ZFAND6: variants seen among roughly 807,000 people sequenced by gnomAD.
ZFAND6 encodes AN1-type zinc finger protein 6.
In ZFAND6, 12 loss-of-function variants were observed where a neutral mutation model predicts 24.5. The observed-to-expected ratio is 0.49, with a 90% CI of 0.31 to 0.79. The LOEUF (loss-of-function observed/expected upper bound fraction) is 0.79. Ranked by LOEUF, ZFAND6 falls within the 30% of genes least tolerant of loss-of-function variation. The pLI is 0.04. For missense variants in ZFAND6, 207 were observed against 245.9 expected (o/e 0.84, Z 1.06); for synonymous variants, 92 against 81.5 (o/e 1.13, Z -0.69).
chr15:80,127,983 G>C (rs147872715), intron 5 of ZFAND6, among the ~76,000 whole-genome samples: 1 of 152,146 alleles, frequency 6.6e-6, no homozygotes, highest in Non-Finnish European at 1.5e-5. Flanking sequence ...TGGTATATCC[G>C]TACAGTAGAA....
At chr15:80,091,203 T>C (rs2038345014) in intron 1 of ZFAND6, among the ~76,000 whole-genome samples, 1 of 149,312 alleles carries the variant, frequency 6.7e-6, no homozygotes. Context: ...CACGTGCACA[T>C]GTGTAGTTTC....
chr15:80,082,729 A>G (rs2037748720), intron 1 of ZFAND6, among the ~76,000 whole-genome samples: 1 of 152,198 alleles, frequency 6.6e-6, no homozygotes, highest in Non-Finnish European at 1.5e-5. Context: ...AACTGGTAAG[A>G]GTTCCAGATA....
chr15:80,069,274 A>G (rs1414081803), intron 1 of ZFAND6, among the ~76,000 whole-genome samples: 2 of 152,252 alleles, frequency 1.3e-5, no homozygotes, highest in African/African-American at 2.4e-5. Context: ...GTTGAGTATT[A>G]TAAATGCCTT....
chr15:80,123,035 A>G, intron 5 of ZFAND6: 1 of 414,244 alleles, frequency 2.4e-6, no homozygotes, highest in South Asian at 3.3e-5. Context: ...TTTAGTTTGG[A>G]AAATATAATT....
intron 1 of ZFAND6, among the ~76,000 whole-genome samples, chr15:80,095,902 T>C (rs2038693474): frequency 6.6e-6 from 1 of 152,256 alleles, no homozygotes; most frequent in Non-Finnish European, 1.5e-5. Context: ...AACCATCCTG[T>C]TGGTTTTCTG....
At chr15:80,090,963 C>T (rs767943767) in intron 1 of ZFAND6, among the ~76,000 whole-genome samples, 14 of 152,126 alleles carry the variant, frequency 9.2e-5, no homozygotes, top group Admixed American at 1.3e-4. Context: ...GCCTCTTTGC[C>T]GCAACCCACT....
chr15:80,077,148 A>C (rs1246333634), intron 1 of ZFAND6, among the ~76,000 whole-genome samples: 1 of 152,208 alleles, frequency 6.6e-6, no homozygotes, highest in Non-Finnish European at 1.5e-5. Context: ...AAGCTATTTG[A>C]AATGCTAACA....
At chr15:80,059,244 T>C (rs2036195554), upstream of ZFAND6, among the ~76,000 whole-genome samples, 1 of 152,162 alleles carries the variant, frequency 6.6e-6, no homozygotes, top group African/African-American at 2.4e-5. Context: ...GGAGTGCAAC[T>C]CTTTTTGGTG....
At chr15:80,083,617 A>C (rs538447265) in intron 1 of ZFAND6, among the ~76,000 whole-genome samples, 12 of 152,232 alleles carry the variant, frequency 7.9e-5, no homozygotes, top group Admixed American at 5.2e-4. Flanking sequence ...ATGATTAAGC[A>C]TGGAAGTTAG....
At chr15:80,078,202 C>T (rs996836344) in intron 1 of ZFAND6, among the ~76,000 whole-genome samples, 2 of 152,140 alleles carry the variant, frequency 1.3e-5, no homozygotes, top group Admixed American at 6.5e-5. Flanking sequence ...TTTCAACACT[C>T]GCCTCTCCCC....
At chr15:80,121,888 T>G in intron 4 of ZFAND6, 68 bp downstream of exon 4, 1 of 1,327,280 alleles carries the variant, frequency 7.5e-7, no homozygotes, top group Non-Finnish European at 1.0e-6. Context: ...CTGTGTTTGA[T>G]TAATAAGGAA....
chr15:80,127,404 A>G (rs1342210140), intron 5 of ZFAND6, among the ~76,000 whole-genome samples: 1 of 152,000 alleles, frequency 6.6e-6, no homozygotes, highest in Non-Finnish European at 1.5e-5. Context: ...CTTGGCCAAC[A>G]TGGTGAAACC....
intron 5 of ZFAND6, among the ~76,000 whole-genome samples, chr15:80,126,067 A>G (rs2040358457): frequency 6.6e-6 from 1 of 152,246 alleles, no homozygotes; most frequent in Non-Finnish European, 1.5e-5. Flanking sequence ...GGTAAGGTCT[A>G]CATCACTGAA....
chr15:80,059,385 C>T (rs2036199833), upstream of ZFAND6, among the ~76,000 whole-genome samples: 1 of 152,246 alleles, frequency 6.6e-6, no homozygotes, highest in Non-Finnish European at 1.5e-5. Context: ...GTAGAGAAAC[C>T]GCGGCGGGAA....
chr15:80,098,412 A>G lies in ZFAND6; in HGVS notation c.-180-4A>G, dbSNP rs1041384959. 6.6e-6 allele frequency: 1 copy of G among 152,206 alleles called. No homozygotes were observed. Among genetic ancestry groups the G allele is most frequent in the African/African-American group, 2.4e-5 (1 of 41,456 alleles). The allele number at this position is 152,206 out of a possible 1,614,324, so 9.4% of individuals were successfully genotyped here. A position where few individuals can be genotyped will look rare whatever the true frequency, so the allele number is the denominator to read the frequency against. On this transcript the variant is annotated splice_polypyrimidine_tract_variant and splice_region_variant and intron_variant, in intron 1 of 6. Coordinates refer to ENST00000261749, the MANE Select transcript of ZFAND6 (RefSeq NM_019006.4). The stretch of plus-strand genomic sequence containing the variant: ...AACTCTGTTTCATGTTAAATGTGTT[A>G]CAGGAATGAATCTGAAGTCTGCTGC...
chr15:80,137,086 T>C (rs1357276551), intron 6 of ZFAND6, among the ~76,000 whole-genome samples: 1 of 152,258 alleles, frequency 6.6e-6, no homozygotes, highest in Middle Eastern at 3.2e-3. Context: ...TGTTAACAGT[T>C]CTTTCAGAGG....
chr15:80,072,013 A>G (rs2037005361), intron 1 of ZFAND6, among the ~76,000 whole-genome samples: 1 of 152,128 alleles, frequency 6.6e-6, no homozygotes, highest in African/African-American at 2.4e-5. Context: ...AGTGAGTTTG[A>G]TAGCTTAGAA....
chr15:80,089,758 T>C (rs1185869883), intron 1 of ZFAND6, among the ~76,000 whole-genome samples: 1 of 152,182 alleles, frequency 6.6e-6, no homozygotes, highest in Non-Finnish European at 1.5e-5. Context: ...ACTTGAGCCC[T>C]GGACCTTGAC....
chr15:80,072,334 A>G lies in ZFAND6; in HGVS notation c.-181+12525A>G, dbSNP rs2037024098. On this transcript the variant is annotated intron_variant, in intron 1 of 6. Transcript: ENST00000261749. ...TTGTTACTTAGTTTATTTTTCACCT[A>G]GACAAGGGTAAGCAAACAGTATATG... 2.6e-5 allele frequency among the ~76,000 whole-genome samples: 4 copies of G among 152,120 alleles called. No individual in the cohort carries two copies. The South Asian group carries it at 8.3e-4, about 31-fold the overall frequency.
Sources: gnomAD v4.1 joint callset for allele counts (sites outside exome capture counted in the v4.1 genomes callset) on GRCh38, gnomAD v4.1.1 for gene constraint, MANE v1.5 for transcripts, NCBI Gene and HGNC (gene_info 2026-07-23, HGNC 2026-07-21) for gene names.